Variants in HIP1 observed in about 807,000 individuals in gnomAD.
HIP1 encodes huntingtin interacting protein 1.
In HIP1, 65 loss-of-function variants were observed where a neutral mutation model predicts 147.6. The observed-to-expected ratio is 0.44, with a 90% CI of 0.36 to 0.54. The LOEUF (loss-of-function observed/expected upper bound fraction) is 0.54. HIP1 is among the 20% of genes least tolerant of loss of function. The pLI is 0.00. For synonymous variants in HIP1, 479 were observed against 504.0 expected (o/e 0.95, Z 0.67); for missense variants, 1,061 against 1,299.6 (o/e 0.82, Z 2.82).
chr7:75,537,683 C>A lies in HIP1; in HGVS notation c.*489G>T. 1 of 244,162 alleles carries A rather than the reference C, an allele frequency of 4.1e-6. No homozygotes were observed. The highest frequency in any genetic ancestry group is 1.5e-4 in the South Asian group (1 of 6,874). The allele number at this position is 244,162 out of a possible 1,614,324, so 15.1% of individuals were successfully genotyped here. A position where few individuals can be genotyped will look rare whatever the true frequency, so the allele number is the denominator to read the frequency against. On this transcript the variant is annotated 3_prime_UTR_variant, in exon 31 of 31. Transcript: ENST00000336926. ...CAGGGTAGTGTCCTGGTTTGGAATC[C>A]ATCAGCCCTCTGATGCTCACAAGTT...
intron 1 of HIP1, among the ~76,000 whole-genome samples, chr7:75,634,199 G>A (rs959365659): frequency 3.9e-5 from 6 of 151,958 alleles, no homozygotes; most frequent in Non-Finnish European, 7.4e-5. Context: ...GTTCGAGGCT[G>A]CAGTGAGCTG....
At chr7:75,559,703 G>GGCCGCCCCCCCCCCCCCCC in intron 14 of HIP1, 29 bp downstream of exon 14, 1 of 1,195,144 alleles carries the variant, frequency 8.4e-7, no homozygotes, top group Non-Finnish European at 1.2e-6. Flanking sequence ...TGCCCCCGGG[G>GGCCGCCCCCCCCCCCCCCC]CCCGCCCCCG....
chr7:75,702,236 G>A (rs1326835754), intron 1 of HIP1, among the ~76,000 whole-genome samples: 5 of 151,664 alleles, frequency 3.3e-5, no homozygotes, highest in African/African-American at 1.2e-4. Flanking sequence ...TCAGCCTCCC[G>A]AGTAGCTGGG....
At chr7:75,731,478 C>CA (rs1214036700) in intron 1 of HIP1, among the ~76,000 whole-genome samples, 1,376 of 35,962 alleles carry the variant, frequency 0.038, 36 homozygotes, top group African/African-American at 0.045. Flanking sequence ...GACTCCAACT[C>CA]AAAAAAAAAA....
intron 1 of HIP1, among the ~76,000 whole-genome samples, chr7:75,692,426 ATT>A (rs71082339): frequency 6.9e-6 from 1 of 145,790 alleles, no homozygotes. Flanking sequence ...TACCTGGCTA[ATT>A]TTTTTTTTTT....
intron 22 of HIP1, 42 bp downstream of exon 22, chr7:75,553,411 C>G: frequency 1.2e-6 from 2 of 1,603,432 alleles, no homozygotes; most frequent in Non-Finnish European, 1.7e-6. Flanking sequence ...CACGCACACC[C>G]AGAAGAATAA....
chr7:75,711,734 C>G (rs1801171149), intron 1 of HIP1, among the ~76,000 whole-genome samples: 1 of 152,238 alleles, frequency 6.6e-6, no homozygotes, highest in African/African-American at 2.4e-5. Context: ...AGACCTCTCT[C>G]TGAGGTATGC....
rs587601314 is a variant in HIP1, at chr7:75,548,309, G to T, written c.2407-496C>A. ...CCCAAAGTGCTGGGAATACAGGCGT[G>T]AGCCACCACGCCTGGCCAGAACCCA... On this transcript the variant is annotated intron_variant, in intron 23 of 30. Transcript: ENST00000336926. 2.0e-5 allele frequency among the ~76,000 whole-genome samples: 3 copies of T among 152,106 alleles called. No individual in the cohort carries two copies. The South Asian group carries it at 6.2e-4, about 32-fold the overall frequency.
At chr7:75,583,301 T>G (rs1554498929) in intron 5 of HIP1, among the ~76,000 whole-genome samples, 2 of 152,110 alleles carry the variant, frequency 1.3e-5, no homozygotes, top group Non-Finnish European at 2.9e-5. Flanking sequence ...GTCCTTGTCA[T>G]CGGCTCTGCA....
intron 1 of HIP1, among the ~76,000 whole-genome samples, chr7:75,732,795 G>C (rs1801878957): frequency 6.6e-6 from 1 of 152,086 alleles, no homozygotes; most frequent in Non-Finnish European, 1.5e-5. Flanking sequence ...CGTACACAGA[G>C]TACCCAGGGC....
At chr7:75,540,865 A>T (rs1371311479) in intron 29 of HIP1, among the ~76,000 whole-genome samples, 1 of 152,190 alleles carries the variant, frequency 6.6e-6, no homozygotes, top group Admixed American at 6.6e-5. Flanking sequence ...TTCATACCAG[A>T]AGTCTAAAAC....
chr7:75,562,965 A>T lies in HIP1; in HGVS notation c.990T>A (p.Asp330Glu), dbSNP rs1554494853. ...SPDSEPVLEK[D>E]DLMDMDASQQ... ...GAGAGGCATCCATGTCCATGAGGTC[A>T]TCCTTCTCTAGGACTGGCTCGCTGT... Residue 330 changes from aspartate to glutamate, a missense_variant, in exon 11 of 31, where the codon GAT becomes GAA. Asp to Glu is a conservative substitution (Grantham distance 45, BLOSUM62 2). This residue lies in a region of HIP1 where 810 missense variants were observed against 946.8 expected (regional missense o/e 0.86). Coordinates refer to ENST00000336926, the MANE Select transcript of HIP1 (RefSeq NM_005338.7). The T allele has an allele frequency of 1.2e-6, 2 of 1,614,198 alleles. No individual in the cohort carries two copies. The highest frequency in any genetic ancestry group is 1.7e-6 in the Non-Finnish European group (2 of 1,180,034).
intron 1 of HIP1, chr7:75,733,861 C>T (rs1208575835): frequency 6.5e-6 from 1 of 153,812 alleles, no homozygotes; most frequent in African/African-American, 2.4e-5. Flanking sequence ...CACCTGTAAT[C>T]CCAACACTTT....
At chr7:75,596,286 C>A (rs1176139873) in intron 2 of HIP1, among the ~76,000 whole-genome samples, 2 of 144,896 alleles carry the variant, frequency 1.4e-5, no homozygotes, top group Admixed American at 1.4e-4. Context: ...TTAGGCATTT[C>A]AAACCCTACT....
intron 1 of HIP1, chr7:75,626,171 C>A (rs1385130194): frequency 5.9e-5 from 9 of 152,162 alleles, no homozygotes; most frequent in Non-Finnish European, 1.0e-4. Flanking sequence ...TGGACTAAGA[C>A]CAGGGCCATG....
At chr7:75,553,176 G>T (rs1486947232) in intron 22 of HIP1, among the ~76,000 whole-genome samples, 1 of 152,038 alleles carries the variant, frequency 6.6e-6, no homozygotes, top group Non-Finnish European at 1.5e-5. Flanking sequence ...GACCTCAAGT[G>T]ATCTGCCCAC....
In HIP1 at chr7:75,562,951, A is replaced by G. The variant is rs1554494848; in HGVS notation, c.1004T>C (p.Met335Thr). The G allele has an allele frequency of 2.5e-6, 4 of 1,614,196 alleles. No homozygotes were observed. The highest frequency in any genetic ancestry group is 2.2e-5 in the South Asian group (2 of 91,088). Reference sequence around the variant, plus strand: ...GGTCCTCACCTGCTGAGAGGCATCCATGTCCATGAGGTCATCCTTCTCTAG... The same window carrying G: ...GGTCCTCACCTGCTGAGAGGCATCCGTGTCCATGAGGTCATCCTTCTCTAG... ...PVLEKDDLMDMDASQQNLFDN... is the reference protein window; with the variant it reads ...PVLEKDDLMDTDASQQNLFDN... Residue 335 changes from methionine to threonine, a missense_variant, in exon 11 of 31, where the codon ATG becomes ACG. Met to Thr is a moderately conservative substitution (Grantham distance 81). Around this residue, in one of 3 missense-constraint regions of HIP1, gnomAD observed 810 missense variants for 946.8 expected, o/e 0.86. Coordinates refer to ENST00000336926, the MANE Select transcript of HIP1 (RefSeq NM_005338.7).
At chr7:75,564,843 C>A (rs1795349155) in intron 9 of HIP1, among the ~76,000 whole-genome samples, 1 of 152,062 alleles carries the variant, frequency 6.6e-6, no homozygotes, top group Non-Finnish European at 1.5e-5. Flanking sequence ...AGCCATCTAC[C>A]CACCTTGGCC....
rs956211258 is a variant in HIP1 at position 75,557,319 on chromosome 7, G to A, written c.1581+335C>T. Among the ~76,000 whole-genome samples the A allele has an allele frequency of 3.3e-5, 5 of 151,380 alleles. No individual in the cohort carries two copies. The East Asian group carries it at 5.8e-4, about 18-fold the overall frequency. The stretch of plus-strand genomic sequence containing the variant: ...CTCCCAAAGTCCTGGGATTACTGCC[G>A]TCTCAAAAAACAAACAAACAAAACA... On this transcript the variant is annotated intron_variant, in intron 16 of 30. Transcript: ENST00000336926.
Sources: allele counts gnomAD v4.1 joint callset (sites outside exome capture counted in the v4.1 genomes callset), GRCh38; gene constraint gnomAD v4.1.1; regional missense constraint gnomAD v4.1.1; transcripts MANE v1.5; gene names NCBI Gene and HGNC (gene_info 2026-07-23, HGNC 2026-07-21).